Variants in COG2 observed in about 807,000 individuals in gnomAD.
The protein encoded by COG2 is component of oligomeric golgi complex 2.
COG2 carries 52 observed loss-of-function variants against 90.6 expected under a neutral mutation model. That is an observed-to-expected ratio of 0.57 (90% CI 0.46 to 0.72). The LOEUF is 0.72. Among genes scored for constraint, COG2 ranks in the 30% least tolerant of loss-of-function variants. The pLI, the probability that COG2 is intolerant of heterozygous loss-of-function variation, is 0.00. For missense variants in COG2, 829 were observed against 891.2 expected (o/e 0.93, Z 0.89); for synonymous variants, 337 against 320.4 (o/e 1.05, Z -0.55).
intron 12 of COG2, 86 bp from the exon 13 acceptor site, chr1:230,686,849 A>T: frequency 1.4e-6 from 1 of 735,290 alleles, no homozygotes. Context: ...TTTAATGGTG[A>T]GTTATTGACG....
At chr1:230,688,281 TACCTA>T (rs1662933784) in intron 14 of COG2, 134 bp from the exon 15 acceptor site, 3 of 1,260,740 alleles carry the variant, frequency 2.4e-6, no homozygotes, top group East Asian at 4.8e-5. Context: ...TATTATAACT[TACCTA>T]AATAAGATGT....
intron 3 of COG2, chr1:230,661,693 A>C (rs1183804011): frequency 2.6e-5 from 4 of 152,178 alleles, no homozygotes; most frequent in African/African-American, 7.2e-5. Flanking sequence ...GAAAAAAAAA[A>C]TGCAAAATAA....
intron 8 of COG2, among the ~76,000 whole-genome samples, chr1:230,672,292 C>T (rs1024067217): frequency 6.6e-6 from 1 of 152,172 alleles, no homozygotes; most frequent in Admixed American, 6.5e-5. Flanking sequence ...GGAGGAAGAT[C>T]CAGGCTTCTC....
In COG2 at chr1:230,679,047, A is replaced by G. The variant is rs1179224255; in HGVS notation, c.1161A>G (p.Gln387=). The part of the protein sequence containing the change: ...NKKWNLPVYF[Q]IRFREIAGSL... ...AGTGGAACTTGCCTGTTTATTTTCA[A>G]ATAAGGTTGGTCATCTATTCACCGC... Residue 387 remains glutamine (Q), a synonymous_variant, in exon 10 of 18, where the codon CAA becomes CAG. Coordinates refer to ENST00000366669, the MANE Select transcript of COG2 (RefSeq NM_007357.3). 2 of 1,611,694 alleles carry G rather than the reference A, an allele frequency of 1.2e-6. No individual in the cohort carries two copies. Among genetic ancestry groups the G allele is most frequent in the East Asian group, 2.2e-5 (1 of 44,796 alleles).
In COG2 at chr1:230,685,172, T is replaced by C. The variant is rs966731304; in HGVS notation, c.1316T>C (p.Leu439Pro). ...TCAGATGAGATGTTCTTGCCATTAC[T>C]GGTGCATCGCCTGTGGAGACTCACT... ...CWSDEMFLPL[L>P]VHRLWRLTLQ... Residue 439 changes from leucine to proline, a missense_variant, in exon 12 of 18, where the codon CTG (leucine) becomes CCG (proline). Physicochemically the swap from Leu to Pro is moderately conservative, Grantham distance 98 (BLOSUM62 -3). Coordinates refer to ENST00000366669, the MANE Select transcript of COG2 (RefSeq NM_007357.3). 4 of 1,614,224 alleles carry C rather than the reference T, an allele frequency of 2.5e-6. No individual in the cohort carries two copies. In the Admixed American group the frequency reaches 5.0e-5, roughly 20 times the overall value.
chr1:230,668,778 A>G lies in COG2; in HGVS notation c.588A>G (p.Val196=). The change falls in exon 6 of 18, where the codon GTA becomes GTG. Residue 196 remains valine (V), a synonymous_variant. Coordinates refer to ENST00000366669, the MANE Select transcript of COG2 (RefSeq NM_007357.3). ...AAGGCATGCCTCTTTTGGACAAAGT[A>G]AGACCGGTAAGTGTTGTTTTGGATT... is the stretch of plus-strand genomic sequence containing the variant. The part of the protein sequence containing the change: ...QSKGMPLLDK[V]RPRIAGITAM... The G allele has an allele frequency of 6.3e-7, 1 of 1,588,968 alleles. No homozygotes were observed. The highest frequency in any genetic ancestry group is 1.7e-5 in the Admixed American group (1 of 59,106).
intron 8 of COG2, among the ~76,000 whole-genome samples, 162 bp from the exon 9 acceptor site, chr1:230,674,836 G>C (rs188353247): frequency 6.6e-6 from 1 of 152,282 alleles, no homozygotes; most frequent in East Asian, 1.9e-4. Context: ...GAGTGAAATA[G>C]AAACTTGAGT....
rs111416141 is a variant in COG2 at position 230,690,006 on chromosome 1, C to A, written c.1795-8C>A. ...GTGCATCTTTATCTCCTACCATCAT[C>A]ATTCCAGGAGGTCCCAACCACAGCT... On this transcript the variant is annotated splice_region_variant and splice_polypyrimidine_tract_variant and intron_variant, in intron 15 of 17. Coordinates refer to ENST00000366669, the MANE Select transcript of COG2 (RefSeq NM_007357.3). 2 of 1,575,530 alleles carry A rather than the reference C, an allele frequency of 1.3e-6. No homozygotes were observed. The highest frequency in any genetic ancestry group is 1.4e-5 in the African/African-American group (1 of 72,896).
chr1:230,642,641 C>G lies in COG2; in HGVS notation c.35C>G (p.Pro12Arg), dbSNP rs757162472. ...EKSRMNLPKG[P>R]DTLCFDKDEF... ...AGTAGGATGAACCTGCCCAAGGGGC[C>G]GGACACGCTCTGCTTCGACAAGGAC... The change falls in exon 1 of 18, where the codon CCG (proline) becomes CGG (arginine). Residue 12 changes from proline to arginine, a missense_variant. By Grantham distance (103) the Pro-to-Arg change is moderately radical. Transcript: ENST00000366669. 6.2e-7 allele frequency: 1 copy of G among 1,613,160 alleles called. No individual in the cohort carries two copies. Among genetic ancestry groups the G allele is most frequent in the South Asian group, 1.1e-5 (1 of 90,774 alleles).
chr1:230,658,585 A>G (rs1662116065), intron 1 of COG2, among the ~76,000 whole-genome samples: 1 of 152,144 alleles, frequency 6.6e-6, no homozygotes, highest in Non-Finnish European at 1.5e-5. Flanking sequence ...ACACTGTGCT[A>G]GGAGGTCCGC....
intron 16 of COG2, among the ~76,000 whole-genome samples, chr1:230,690,756 T>A (rs1663005944): frequency 6.6e-6 from 1 of 152,238 alleles, no homozygotes; most frequent in Admixed American, 6.5e-5. Flanking sequence ...TACTTAAGAT[T>A]TAAGTGGCCA....
At chr1:230,674,792 G>C (rs1160862355) in intron 8 of COG2, among the ~76,000 whole-genome samples, 1 of 152,216 alleles carries the variant, frequency 6.6e-6, no homozygotes, top group Non-Finnish European at 1.5e-5. Flanking sequence ...GGATCTAGGA[G>C]ATTTGCCAGG....
chr1:230,669,606 A>C (rs1662400070), intron 7 of COG2, 71 bp downstream of exon 7: 25 of 1,335,488 alleles, frequency 1.9e-5, no homozygotes, highest in Non-Finnish European at 2.4e-5. Context: ...GGGTGTGAGG[A>C]AGATAAGAAG....
intron 1 of COG2, among the ~76,000 whole-genome samples, chr1:230,643,822 C>T (rs895037097): frequency 2.6e-5 from 4 of 152,144 alleles, no homozygotes; most frequent in Non-Finnish European, 4.4e-5. Context: ...AAAGAATGTA[C>T]AGAATCAACT....
At chr1:230,690,408 A>C in intron 16 of COG2, 1 of 336,682 alleles carries the variant, frequency 3.0e-6, no homozygotes, top group Non-Finnish European at 5.4e-6. Context: ...CCGCATCTCC[A>C]GGCCCTGCCT....
Position 230,691,475 on chromosome 1 carries a change from G to A in COG2, c.2026G>A (p.Ala676Thr), listed in dbSNP as rs149248784. The change falls in exon 17 of 18, where the codon GCC (alanine) becomes ACC (threonine). Residue 676 changes from alanine (A) to threonine (T), a missense_variant. Coordinates refer to ENST00000366669, the MANE Select transcript of COG2 (RefSeq NM_007357.3). Reference protein sequence around the residue: ...RLKQARKTTPANPVGPSGGMS... With the variant: ...RLKQARKTTPTNPVGPSGGMS... ...GAAACAAGCCAGAAAAACCACTCCC[G>A]CCAACCCCGTCGGTCCCAGTGGTGG... The A allele has an allele frequency of 4.5e-4, 733 of 1,613,960 alleles. 1 individual carries two copies. The highest frequency in any genetic ancestry group is 2.8e-3 in the Middle Eastern group (17 of 6,084).
chr1:230,671,260 C>T, intron 7 of COG2: 1 of 216,294 alleles, frequency 4.6e-6, no homozygotes, highest in South Asian at 1.2e-4. Flanking sequence ...TATTTTCAGA[C>T]TCCCAGGGAA....
intron 10 of COG2, chr1:230,683,112 C>T (rs1023537954): frequency 1.9e-5 from 3 of 156,364 alleles, no homozygotes; most frequent in African/African-American, 7.2e-5. Flanking sequence ...CTGGCCACTT[C>T]CTGTGATTTT....
chr1:230,691,697 A>AG (rs1440003706), intron 17 of COG2, 133 bp downstream of exon 17: 35 of 799,406 alleles, frequency 4.4e-5, no homozygotes, highest in Non-Finnish European at 6.2e-5. Context: ...TGTTAAGACT[A>AG]GGAGTCGGGG....
Sources: allele counts gnomAD v4.1 joint callset (sites outside exome capture counted in the v4.1 genomes callset), GRCh38; gene constraint gnomAD v4.1.1; transcripts MANE v1.5; gene names NCBI Gene and HGNC (gene_info 2026-07-23, HGNC 2026-07-21).